MAP4K3: variants seen among roughly 807,000 people sequenced by gnomAD.
The protein encoded by MAP4K3 is MAPK/ERK kinase kinase kinase 3.
Under a neutral mutation model 143.5 loss-of-function variants are expected in MAP4K3, and 94 were observed. That is an observed-to-expected ratio of 0.65 (90% CI 0.55 to 0.78). The LOEUF (loss-of-function observed/expected upper bound fraction) is 0.78, where lower values mean the gene tolerates loss of function less well. Ranked by LOEUF, MAP4K3 falls within the 30% of genes least tolerant of loss-of-function variation. The pLI is 0.00. For missense variants in MAP4K3, 1,077 were observed against 1,068.1 expected (o/e 1.01, Z -0.12); for synonymous variants, 416 against 347.2 (o/e 1.20, Z -2.20).
chr2:39,336,534 C>CATTTTGAT (rs1189875081), intron 6 of MAP4K3, among the ~76,000 whole-genome samples: 1 of 142,322 alleles, frequency 7.0e-6, no homozygotes, highest in Admixed American at 7.0e-5. Flanking sequence ...TCAATTTATC[C>CATTTTGAT]ATTTTGATGC....
chr2:39,253,488 C>G (rs187327621), intron 32 of MAP4K3, among the ~76,000 whole-genome samples: 1 of 152,078 alleles, frequency 6.6e-6, no homozygotes, highest in Non-Finnish European at 1.5e-5. Context: ...GCACATTACA[C>G]GCTTTGTTTC....
At chr2:39,428,186 G>A (rs963330620) in intron 1 of MAP4K3, among the ~76,000 whole-genome samples, 1 of 152,020 alleles carries the variant, frequency 6.6e-6, no homozygotes, top group Non-Finnish European at 1.5e-5. Flanking sequence ...CTTATATCAG[G>A]GTTTAAGTTC....
At chr2:39,287,518 G>A (rs971905357) in intron 20 of MAP4K3, among the ~76,000 whole-genome samples, 5 of 151,902 alleles carry the variant, frequency 3.3e-5, no homozygotes, top group African/African-American at 1.2e-4. Context: ...GGTCAGGCTG[G>A]TCTCAAACTC....
At chr2:39,318,863 C>G (rs1389455835) in intron 12 of MAP4K3, among the ~76,000 whole-genome samples, 2 of 152,094 alleles carry the variant, frequency 1.3e-5, no homozygotes, top group African/African-American at 2.4e-5. Flanking sequence ...ATGAGAATGT[C>G]AAGTTTGTAC....
intron 14 of MAP4K3, among the ~76,000 whole-genome samples, chr2:39,308,434 T>A (rs1035119068): frequency 5.3e-5 from 8 of 152,184 alleles, no homozygotes; most frequent in African/African-American, 1.9e-4. Flanking sequence ...AGAGTAACTA[T>A]AAGGTAAAGG....
At chr2:39,417,219 T>C (rs1049423083) in intron 1 of MAP4K3, among the ~76,000 whole-genome samples, 1 of 149,730 alleles carries the variant, frequency 6.7e-6, no homozygotes, top group South Asian at 2.1e-4. Context: ...TCTTTTCTTT[T>C]TTTTTTTTTT....
At chr2:39,410,543 T>C (rs550004951) in intron 1 of MAP4K3, among the ~76,000 whole-genome samples, 3 of 152,280 alleles carry the variant, frequency 2.0e-5, no homozygotes, top group South Asian at 4.1e-4. Context: ...CAGCCAAAAA[T>C]CTTATTACAT....
chr2:39,349,434 G>T lies in MAP4K3; in HGVS notation c.246-5982C>A, dbSNP rs147646971. Among the ~76,000 whole-genome samples, 45 of 152,240 alleles carry T rather than the reference G, an allele frequency of 3.0e-4. No individual in the cohort carries two copies. The East Asian group carries it at 8.1e-3, about 27-fold the overall frequency. Reference sequence around the variant, plus strand: ...TAATTATACCTAATAATCCCCCAGTGTTCAGCATAATATTTCCAAAGGGTG... The same window carrying T: ...TAATTATACCTAATAATCCCCCAGTTTTCAGCATAATATTTCCAAAGGGTG... On this transcript the variant is annotated intron_variant, in intron 3 of 33. Coordinates refer to ENST00000263881, the MANE Select transcript of MAP4K3 (RefSeq NM_003618.4).
intron 2 of MAP4K3, among the ~76,000 whole-genome samples, chr2:39,357,202 G>C (rs868455724): frequency 6.6e-6 from 1 of 152,230 alleles, no homozygotes; most frequent in East Asian, 1.9e-4. Flanking sequence ...ACTTGTCATG[G>C]AGAGAAACAG....
chr2:39,422,004 C>T (rs1472981939), intron 1 of MAP4K3, among the ~76,000 whole-genome samples: 2 of 151,410 alleles, frequency 1.3e-5, no homozygotes, highest in East Asian at 1.9e-4. Flanking sequence ...TATTACTTAA[C>T]GCTATAATTA....
At chr2:39,350,700 T>C (rs1014235883) in intron 3 of MAP4K3, among the ~76,000 whole-genome samples, 1 of 152,206 alleles carries the variant, frequency 6.6e-6, no homozygotes, top group African/African-American at 2.4e-5. Flanking sequence ...TTAGTTTAAC[T>C]AAATTGCCTC....
intron 27 of MAP4K3, among the ~76,000 whole-genome samples, chr2:39,266,677 G>A (rs746515881): frequency 6.6e-6 from 1 of 151,878 alleles, no homozygotes; most frequent in Non-Finnish European, 1.5e-5. Context: ...TGTGTTTATC[G>A]TCCCTTTTAT....
In MAP4K3 at chr2:39,303,795, C is replaced by T. The variant is rs574228250; in HGVS notation, c.1120-3994G>A. Among the ~76,000 whole-genome samples the T allele has an allele frequency of 8.5e-5, 13 of 152,244 alleles. No individual in the cohort carries two copies. The East Asian group carries it at 2.3e-3, about 27-fold the overall frequency. ...CAAGTGATCCACCCGCCTTGGCCTC[C>T]GAAAGTGCTGGGATTATAGGCGTGA... On this transcript the variant is annotated intron_variant, in intron 15 of 33. Coordinates refer to ENST00000263881, the MANE Select transcript of MAP4K3 (RefSeq NM_003618.4).
At chr2:39,270,961 A>G (rs1000553612) in intron 26 of MAP4K3, among the ~76,000 whole-genome samples, 13 of 152,272 alleles carry the variant, frequency 8.5e-5, no homozygotes, top group Admixed American at 4.6e-4. Flanking sequence ...GGCTGTTACT[A>G]TTAAAAAAAC....
At chr2:39,317,839 C>T (rs1683167712) in intron 12 of MAP4K3, among the ~76,000 whole-genome samples, 9 of 152,134 alleles carry the variant, frequency 5.9e-5, no homozygotes, top group Admixed American at 5.9e-4. Flanking sequence ...CTGTGGAAAG[C>T]AGTCTGGGGA....
At chr2:39,264,384 C>A (rs1479642571) in intron 28 of MAP4K3, among the ~76,000 whole-genome samples, 2 of 152,062 alleles carry the variant, frequency 1.3e-5, no homozygotes, top group Non-Finnish European at 2.9e-5. Context: ...TCTGTTTAGC[C>A]CTAGTGAATC....
intron 4 of MAP4K3, among the ~76,000 whole-genome samples, chr2:39,341,827 ATATCTCT>A (rs1184763924): frequency 2.6e-5 from 4 of 152,184 alleles, no homozygotes; most frequent in African/African-American, 9.7e-5. Flanking sequence ...ATAATGCCAG[ATATCTCT>A]TCATTTTCAC....
At position 39,288,273 on chromosome 2, in the gene MAP4K3, G is replaced by C; in HGVS notation, c.1322C>G (p.Ser441Cys). The C allele has an allele frequency of 6.2e-7, 1 of 1,613,290 alleles. No homozygotes were observed. The highest frequency in any genetic ancestry group is 8.5e-7 in the Non-Finnish European group (1 of 1,179,484). The change falls in exon 20 of 34, where the codon TCT (serine) becomes TGT (cysteine). Residue 441 changes from serine to cysteine, a missense_variant. Ser to Cys is a moderately radical substitution (Grantham distance 112). Coordinates refer to ENST00000263881, the MANE Select transcript of MAP4K3 (RefSeq NM_003618.4). ...ATGCATTTCCTGTGGTATGAAGATA[G>C]ACTTAGGCTGAAATAATATAGAAAA... ...IPPPLPPKPKSIFIPQEMHST... is the reference protein window; with the variant it reads ...IPPPLPPKPKCIFIPQEMHST...
intron 1 of MAP4K3, among the ~76,000 whole-genome samples, chr2:39,421,004 C>G (rs1294750534): frequency 6.6e-6 from 1 of 152,140 alleles, no homozygotes; most frequent in African/African-American, 2.4e-5. Flanking sequence ...TGTCATTAAT[C>G]TAATTCATAT....
Sources: gnomAD v4.1 joint callset for allele counts (sites outside exome capture counted in the v4.1 genomes callset) on GRCh38, gnomAD v4.1.1 for gene constraint, MANE v1.5 for transcripts, NCBI Gene and HGNC (gene_info 2026-07-23, HGNC 2026-07-21) for gene names.